Variants in PLSCR2 observed in about 807,000 individuals in gnomAD.
PLSCR2 encodes phospholipid scramblase 2.
A neutral mutation model predicts 25.3 loss-of-function variants in PLSCR2; 18 were observed. The observed-to-expected ratio is 0.71, with a 90% confidence interval of 0.49 to 1.06. The LOEUF (loss-of-function observed/expected upper bound fraction) is 1.06. Among genes scored for constraint, PLSCR2 ranks in the 50% least tolerant of loss-of-function variants. The pLI is 0.00. For synonymous variants in PLSCR2, 88 were observed against 87.3 expected, an observed-to-expected ratio of 1.01 and a Z score of -0.04; for missense variants, 243 against 269.5, an observed-to-expected ratio of 0.90 and a Z score of 0.69.
intron 1 of PLSCR2, among the ~76,000 whole-genome samples, chr3:146,480,199 A>C (rs2043080180): frequency 6.6e-6 from 1 of 152,234 alleles, no homozygotes; most frequent in Admixed American, 6.5e-5. Flanking sequence ...CAGCAAACAC[A>C]TTCAAAAGCT....
chr3:146,426,500 C>G (rs1426696645), intron 2 of PLSCR2, among the ~76,000 whole-genome samples: 1 of 152,094 alleles, frequency 6.6e-6, no homozygotes, highest in Non-Finnish European at 1.5e-5. Flanking sequence ...AAAACCTACC[C>G]ATGATCCCCA....
chr3:146,457,793 T>C (rs957158132), intron 3 of PLSCR2, among the ~76,000 whole-genome samples: 8 of 152,232 alleles, frequency 5.3e-5, no homozygotes, highest in African/African-American at 1.7e-4. Context: ...CTTAATGTTA[T>C]TTGCAAAAGA....
chr3:146,408,848 C>T (rs538563729), intron 2 of PLSCR2, among the ~76,000 whole-genome samples: 1 of 152,154 alleles, frequency 6.6e-6, no homozygotes, highest in Non-Finnish European at 1.5e-5. Flanking sequence ...TGAAAATCAT[C>T]TAAAGCTCTC....
intron 1 of PLSCR2, among the ~76,000 whole-genome samples, chr3:146,491,297 T>C (rs2043544161): frequency 6.6e-6 from 1 of 152,058 alleles, no homozygotes; most frequent in South Asian, 2.1e-4. Context: ...TTGGTTTGTT[T>C]GCATTGACTT....
chr3:146,495,385 A>G (rs1444969334), intron 1 of PLSCR2, among the ~76,000 whole-genome samples: 1 of 152,250 alleles, frequency 6.6e-6, no homozygotes, highest in African/African-American at 2.4e-5. Context: ...TCAGCAAAGT[A>G]ATAAATTCTG....
chr3:146,457,763 C>A (rs1447690690), intron 3 of PLSCR2, among the ~76,000 whole-genome samples: 3 of 152,180 alleles, frequency 2.0e-5, no homozygotes, highest in African/African-American at 7.2e-5. Flanking sequence ...TGGTAGAAGT[C>A]AGGTAAAGTG....
chr3:146,404,684 C>A (rs1576565529), intron 2 of PLSCR2, among the ~76,000 whole-genome samples: 1 of 152,006 alleles, frequency 6.6e-6, no homozygotes, highest in East Asian at 1.9e-4. Flanking sequence ...AGACTCCAGG[C>A]ACAATTTGTC....
intron 6 of PLSCR2, among the ~76,000 whole-genome samples, chr3:146,443,001 T>G (rs2040341439): frequency 6.6e-6 from 1 of 151,964 alleles, no homozygotes; most frequent in South Asian, 2.1e-4. Context: ...AAGGAAGCAA[T>G]AAACACAGTA....
At chr3:146,399,235 A>G (rs2038379412) in intron 2 of PLSCR2, among the ~76,000 whole-genome samples, 1 of 151,894 alleles carries the variant, frequency 6.6e-6, no homozygotes, top group Non-Finnish European at 1.5e-5. Flanking sequence ...ACTCTTTGCC[A>G]TGGCAAATAT....
downstream of PLSCR2, among the ~76,000 whole-genome samples, chr3:146,438,447 T>C (rs967674701): frequency 7.9e-5 from 12 of 152,226 alleles, no homozygotes; most frequent in Non-Finnish European, 1.6e-4. Flanking sequence ...GCTTTATGAA[T>C]CTGGATTCTC....
chr3:146,424,410 A>G (rs991706415), intron 2 of PLSCR2, among the ~76,000 whole-genome samples: 4 of 152,044 alleles, frequency 2.6e-5, no homozygotes, highest in Admixed American at 1.3e-4. Flanking sequence ...CAACATATGA[A>G]TTTTTGGGGG....
intron 6 of PLSCR2, among the ~76,000 whole-genome samples, chr3:146,443,448 G>T (rs912079153): frequency 6.6e-6 from 1 of 151,566 alleles, no homozygotes; most frequent in African/African-American, 2.4e-5. Context: ...ATTACTTATT[G>T]ACTGTTCAGG....
intron 6 of PLSCR2, among the ~76,000 whole-genome samples, chr3:146,445,435 T>C (rs2040491902): frequency 6.6e-6 from 1 of 152,200 alleles, no homozygotes; most frequent in African/African-American, 2.4e-5. Flanking sequence ...GGATATACTA[T>C]TCTATGATCA....
chr3:146,436,812 T>C (rs2039891251), downstream of PLSCR2, among the ~76,000 whole-genome samples: 1 of 152,184 alleles, frequency 6.6e-6, no homozygotes, highest in African/African-American at 2.4e-5. Flanking sequence ...CAACACTATA[T>C]TGAATAGGAG....
At chr3:146,409,180 C>A (rs892128472) in intron 2 of PLSCR2, among the ~76,000 whole-genome samples, 1 of 151,930 alleles carries the variant, frequency 6.6e-6, no homozygotes, top group South Asian at 2.1e-4. Flanking sequence ...GGGGGCTGAG[C>A]GCTCGTCACC....
chr3:146,493,490 G>A (rs928814900), intron 1 of PLSCR2, among the ~76,000 whole-genome samples: 12 of 152,112 alleles, frequency 7.9e-5, no homozygotes, highest in Non-Finnish European at 1.5e-4. Context: ...TGCAATTCAC[G>A]AAATGTGATT....
At chr3:146,477,286 C>G (rs1182738708) in intron 1 of PLSCR2, among the ~76,000 whole-genome samples, 4 of 152,200 alleles carry the variant, frequency 2.6e-5, no homozygotes, top group African/African-American at 4.8e-5. Context: ...CAGAGCGTTA[C>G]CTCACCTGGG....
rs560008208 is a variant in PLSCR2 at position 146,412,754 on chromosome 3, C to T, written c.101-16833G>A. ...ACGCAGATAGCCCCTACTGCTGTGT[C>T]GTTCCCCTATTGGCTAGGGTTGGAC... On this transcript the variant is annotated intron_variant and NMD_transcript_variant, in intron 2 of 3. Coordinates refer to the PLSCR2 transcript ENST00000463633. 2.9e-3 allele frequency among the ~76,000 whole-genome samples: 439 copies of T among 152,176 alleles called. 2 individuals are homozygous for T. The highest frequency in any genetic ancestry group is 9.9e-3 in the African/African-American group (409 of 41,518).
chr3:146,425,283 G>A (rs551697812), intron 2 of PLSCR2, among the ~76,000 whole-genome samples: 9 of 152,150 alleles, frequency 5.9e-5, no homozygotes, highest in Non-Finnish European at 1.3e-4. Context: ...ATTTCTGGAA[G>A]AGTTAAAGAA....
Sources: gnomAD v4.1 joint callset for allele counts (sites outside exome capture counted in the v4.1 genomes callset) on GRCh38, gnomAD v4.1.1 for gene constraint, MANE v1.5 for transcripts, NCBI Gene and HGNC (gene_info 2026-07-23, HGNC 2026-07-21) for gene names.